NFIA: variants seen among roughly 807,000 people sequenced by gnomAD.
NFIA encodes nuclear factor I A.
Under a neutral mutation model 62.8 loss-of-function variants are expected in NFIA, and 8 were observed. The ratio of observed to expected loss-of-function variants is 0.13; its 90% CI spans 0.07 to 0.23. The LOEUF is 0.23. Ranked by LOEUF, NFIA falls within the 10% of genes least tolerant of loss-of-function variation. The probability of loss-of-function intolerance (pLI) is 1.00; values close to 1 mark genes in which losing one functional copy is unlikely to be tolerated. For missense variants in NFIA, 410 were observed against 642.1 expected, an observed-to-expected ratio of 0.64 and a Z score of 3.91; for synonymous variants, 235 against 238.1, an observed-to-expected ratio of 0.99 and a Z score of 0.12.
Position 61,131,958 on chromosome 1 carries a change from A to T in NFIA, c.559+43278A>T, listed in dbSNP as rs1000239150. Among the ~76,000 whole-genome samples, 102 of 152,174 alleles carry T rather than the reference A, an allele frequency of 6.7e-4. 5 individuals are homozygous for T. The highest frequency in any genetic ancestry group is 2.9e-5 in the Non-Finnish European group (2 of 68,036). ...TGTGCCCAGAAAACCTCTACAGCTG[A>T]TACTTTGGTGACTTGTTCCTACTCC... is the stretch of plus-strand genomic sequence containing the variant. On this transcript the variant is annotated intron_variant, in intron 2 of 10. Transcript: ENST00000403491.
At chr1:61,382,604 A>AT (rs1320092167) in intron 6 of NFIA, among the ~76,000 whole-genome samples, 2 of 152,214 alleles carry the variant, frequency 1.3e-5, no homozygotes, top group Non-Finnish European at 2.9e-5. Context: ...TTAACATTAT[A>AT]TTATAAATGT....
At chr1:61,116,017 G>GTTT (rs35803994) in intron 2 of NFIA, among the ~76,000 whole-genome samples, 1 of 119,082 alleles carries the variant, frequency 8.4e-6, no homozygotes, top group Non-Finnish European at 1.8e-5. Context: ...CATGTCTTCT[G>GTTT]TTTTTTTTTT....
intron 2 of NFIA, among the ~76,000 whole-genome samples, chr1:61,183,092 T>C (rs1324808180): frequency 6.6e-6 from 1 of 152,214 alleles, no homozygotes; most frequent in African/African-American, 2.4e-5. Context: ...ACTGGTAAAA[T>C]GGCACAGTGT....
intron 6 of NFIA, among the ~76,000 whole-genome samples, chr1:61,378,657 G>A (rs906451024): frequency 9.2e-5 from 14 of 152,224 alleles, no homozygotes; most frequent in South Asian, 6.2e-4. Flanking sequence ...GCCTGGCCAC[G>A]GCTGAACTAG....
chr1:61,278,301 C>CT (rs1454579078), intron 3 of NFIA, among the ~76,000 whole-genome samples: 3 of 152,118 alleles, frequency 2.0e-5, no homozygotes, highest in Non-Finnish European at 4.4e-5. Context: ...TTGAATAAAA[C>CT]TATCGGTTTC....
intron 2 of NFIA, among the ~76,000 whole-genome samples, chr1:61,206,552 T>G (rs1187103918): frequency 6.6e-6 from 1 of 152,212 alleles, no homozygotes; most frequent in Non-Finnish European, 1.5e-5. Context: ...GAAGTCAGTC[T>G]GAAGATTTTC....
At position 61,338,773 on chromosome 1, in the gene NFIA, G is replaced by A. The variant is rs78379402; in HGVS notation, c.700+6187G>A. Among the ~76,000 whole-genome samples, 43 of 152,318 alleles carry A rather than the reference G, an allele frequency of 2.8e-4. No individual in the cohort carries two copies. In the East Asian group the frequency reaches 4.8e-3, roughly 17 times the overall value. ...AATTCCAGACATCCAGTCATTTGGG[G>A]TGCCATTTAAACATTCGCAGTACTT... On this transcript the variant is annotated intron_variant, in intron 4 of 10. Transcript: ENST00000403491.
intron 2 of NFIA, among the ~76,000 whole-genome samples, chr1:61,216,125 T>A (rs1038910767): frequency 3.9e-5 from 6 of 152,204 alleles, no homozygotes; most frequent in African/African-American, 1.4e-4. Flanking sequence ...CATTTACCCA[T>A]TCCCTGTATC....
chr1:61,403,305 G>C (rs1045185046), intron 7 of NFIA, among the ~76,000 whole-genome samples: 4 of 152,182 alleles, frequency 2.6e-5, no homozygotes, highest in Non-Finnish European at 4.4e-5. Flanking sequence ...AGTTCTCTTA[G>C]AGAAGTTATT....
chr1:61,449,865 C>T (rs966666464), intron 10 of NFIA, among the ~76,000 whole-genome samples: 6 of 152,206 alleles, frequency 3.9e-5, no homozygotes, highest in Non-Finnish European at 7.3e-5. Context: ...TACAGCATGA[C>T]ACCCTTTTCA....
chr1:61,302,743 A>G (rs936464368), intron 3 of NFIA, among the ~76,000 whole-genome samples: 6 of 151,338 alleles, frequency 4.0e-5, no homozygotes, highest in Admixed American at 3.3e-4. Context: ...AATATTTTGG[A>G]AAAAACATCC....
chr1:61,138,001 G>A (rs1488729525), intron 2 of NFIA, among the ~76,000 whole-genome samples: 2 of 150,364 alleles, frequency 1.3e-5, no homozygotes, highest in Non-Finnish European at 2.9e-5. Flanking sequence ...GGAGTGAAGA[G>A]AAAAGTGATT....
chr1:61,122,256 T>A (rs542665486), intron 2 of NFIA, among the ~76,000 whole-genome samples: 1 of 152,358 alleles, frequency 6.6e-6, no homozygotes, highest in East Asian at 1.9e-4. Context: ...TCTACTAATA[T>A]GCTCACATGT....
chr1:61,442,729 C>T (rs1416465954), intron 10 of NFIA, among the ~76,000 whole-genome samples: 2 of 152,168 alleles, frequency 1.3e-5, no homozygotes, highest in Admixed American at 6.5e-5. Flanking sequence ...ACATGATTTT[C>T]AGTCATTTGG....
At chr1:61,180,286 C>T (rs1215458219) in intron 2 of NFIA, among the ~76,000 whole-genome samples, 3 of 152,146 alleles carry the variant, frequency 2.0e-5, no homozygotes, top group African/African-American at 4.8e-5. Flanking sequence ...GAGGCAAAGA[C>T]GCCGTAAGGA....
At chr1:61,390,988 C>T (rs17265684) in intron 7 of NFIA, among the ~76,000 whole-genome samples, 2 of 152,176 alleles carry the variant, frequency 1.3e-5, no homozygotes, top group African/African-American at 2.4e-5. Context: ...TTCAGCAGCA[C>T]GTAGAAAGAG....
At chr1:61,454,647 C>T (rs1008114769) in intron 10 of NFIA, among the ~76,000 whole-genome samples, 3 of 152,188 alleles carry the variant, frequency 2.0e-5, no homozygotes, top group Non-Finnish European at 4.4e-5. Flanking sequence ...CATCTTCCCT[C>T]ATAAAATCCT....
intron 4 of NFIA, among the ~76,000 whole-genome samples, chr1:61,347,296 C>A (rs1662285840): frequency 6.6e-6 from 1 of 151,664 alleles, no homozygotes; most frequent in African/African-American, 2.4e-5. Flanking sequence ...GCCTCAGCCT[C>A]CCGAGTAGCT....
chr1:61,369,868 T>C (rs924991770), intron 6 of NFIA, among the ~76,000 whole-genome samples: 4 of 152,200 alleles, frequency 2.6e-5, no homozygotes, highest in African/African-American at 9.6e-5. Flanking sequence ...TGCAGACTTA[T>C]TTCCCTCTCT....
Sources: gnomAD v4.1 joint callset for allele counts (sites outside exome capture counted in the v4.1 genomes callset) on GRCh38, gnomAD v4.1.1 for gene constraint, MANE v1.5 for transcripts, NCBI Gene and HGNC (gene_info 2026-07-23, HGNC 2026-07-21) for gene names.